MON2: variants seen among roughly 807,000 people sequenced by gnomAD.
The protein encoded by MON2 is protein MON2 homolog.
A neutral mutation model predicts 208.6 loss-of-function variants in MON2; 84 were observed. The ratio of observed to expected loss-of-function variants is 0.40; its 90% CI spans 0.34 to 0.48. The LOEUF is 0.48. Ranked by LOEUF, MON2 falls within the 20% of genes least tolerant of loss-of-function variation. The pLI is 0.59. For missense variants in MON2, 1,611 were observed against 2,015.4 expected, an observed-to-expected ratio of 0.80 and a Z score of 3.84; for synonymous variants, 660 against 694.0, an observed-to-expected ratio of 0.95 and a Z score of 0.77.
intron 4 of MON2, among the ~76,000 whole-genome samples, chr12:62,495,395 A>C (rs921851463): frequency 6.6e-6 from 1 of 152,152 alleles, no homozygotes; most frequent in Non-Finnish European, 1.5e-5. Context: ...TAGGAAATGG[A>C]AAAAAGAGAG....
chr12:62,531,851 G>A (rs2072662655), intron 11 of MON2, among the ~76,000 whole-genome samples: 1 of 151,878 alleles, frequency 6.6e-6, no homozygotes, highest in African/African-American at 2.4e-5. Context: ...CTCACTGCAA[G>A]CTCTGCCTCC....
intron 1 of MON2, among the ~76,000 whole-genome samples, chr12:62,468,003 T>C (rs560037990): frequency 1.3e-5 from 2 of 152,072 alleles, no homozygotes; most frequent in South Asian, 2.1e-4. Context: ...TTTTATATTA[T>C]GTATGGGAAA....
rs2075546151 is a variant in MON2, at chr12:62,597,284, CT to C, written c.*4538del. 6.6e-6 allele frequency: 1 copy of C among 151,922 alleles called. No individual in the cohort carries two copies. The highest frequency in any genetic ancestry group is 2.4e-5 in the African/African-American group (1 of 41,378). The allele number at this position is 151,922 out of a possible 1,614,324, so 9.4% of individuals were successfully genotyped here. On this transcript the variant is annotated 3_prime_UTR_variant, in exon 35 of 35. Coordinates refer to ENST00000393630, the MANE Select transcript of MON2 (RefSeq NM_015026.3). The stretch of plus-strand genomic sequence containing the variant: ...TGTTTACGTTACCATCTTTCTTATA[CT>C]TTCCCCTGATTTTTCTCTTTTAATT...
At chr12:62,547,249 T>C (rs959414938) in intron 22 of MON2, among the ~76,000 whole-genome samples, 177 bp downstream of exon 22, 1 of 152,222 alleles carries the variant, frequency 6.6e-6, no homozygotes, top group Non-Finnish European at 1.5e-5. Flanking sequence ...TGTAATAGTT[T>C]TTCTTAACTC....
At position 62,484,219 on chromosome 12, in the gene MON2, C is replaced by G. The variant is rs199985838; in HGVS notation, c.161C>G (p.Thr54Ser). 2.5e-5 allele frequency: 40 copies of G among 1,598,606 alleles called. 1 individual carries two copies. The South Asian group carries it at 4.3e-4, about 17-fold the overall frequency. ...IKVKTIAARN[T>S]EILAALKENS... Reference sequence around the variant, plus strand: ...GTTAAAACAATTGCTGCACGAAACACTGAAATTTTGGCAGGTAATTTTTTG... The same window carrying G: ...GTTAAAACAATTGCTGCACGAAACAGTGAAATTTTGGCAGGTAATTTTTTG... The change falls in exon 2 of 35, where the codon ACT becomes AGT. Residue 54 changes from threonine (T) to serine (S), a missense_variant. Thr to Ser is a moderately conservative substitution (Grantham distance 58). Coordinates refer to ENST00000393630, the MANE Select transcript of MON2 (RefSeq NM_015026.3).
At chr12:62,583,977 A>G (rs1326164531) in intron 32 of MON2, among the ~76,000 whole-genome samples, 4 of 148,746 alleles carry the variant, frequency 2.7e-5, no homozygotes, top group African/African-American at 9.8e-5. Flanking sequence ...AAAAAAAACA[A>G]AAAAAAAAAA....
At chr12:62,470,739 A>G in intron 1 of MON2, 1 of 1,148,494 alleles carries the variant, frequency 8.7e-7, no homozygotes. Context: ...TGGAAGTTGG[A>G]GGAGGGGAGT....
Position 62,585,467 on chromosome 12 carries a change from G to A in MON2, c.4873G>A (p.Asp1625Asn). The part of the protein sequence containing the change: ...SQDVLHRYIE[D>N]ERLSGKCPLP... ...AGATGTACTACATCGCTATATAGAG[G>A]ATGAAAGATTAAGTGGTAAATGCCC... Residue 1625 changes from aspartate to asparagine, a missense_variant, in exon 33 of 35, where the codon GAT becomes AAT. By Grantham distance (23) the Asp-to-Asn change is conservative. Transcript: ENST00000393630. The A allele has an allele frequency of 6.2e-7, 1 of 1,611,632 alleles. No individual in the cohort carries two copies. Among genetic ancestry groups the A allele is most frequent in the South Asian group, 1.1e-5 (1 of 90,776 alleles).
At chr12:62,549,874 T>C in intron 23 of MON2, 44 bp downstream of exon 23, 1 of 1,317,260 alleles carries the variant, frequency 7.6e-7, no homozygotes, top group Non-Finnish European at 1.0e-6. Flanking sequence ...TTAGAAATCA[T>C]TGTTATTCAG....
At chr12:62,533,268 T>C (rs2072747140) in intron 12 of MON2, among the ~76,000 whole-genome samples, 2 of 152,216 alleles carry the variant, frequency 1.3e-5, no homozygotes, top group Non-Finnish European at 2.9e-5. Flanking sequence ...TGTGTCATTA[T>C]TGGAGATGCT....
chr12:62,517,835 A>G (rs2071784192), intron 8 of MON2, among the ~76,000 whole-genome samples: 1 of 152,204 alleles, frequency 6.6e-6, no homozygotes, highest in Non-Finnish European at 1.5e-5. Context: ...TCTGTTATTT[A>G]ACAATTTATC....
At chr12:62,532,766 A>C in intron 12 of MON2, 96 bp downstream of exon 12, 13 of 854,248 alleles carry the variant, frequency 1.5e-5, no homozygotes, top group Non-Finnish European at 2.4e-5. Flanking sequence ...CTGACTTCTC[A>C]AGTGTTAACC....
rs1433678254 is a variant in MON2, at chr12:62,595,266, T to A, written c.*2517T>A. 6.6e-6 allele frequency: 1 copy of A among 152,132 alleles called. No individual in the cohort carries two copies. The highest frequency in any genetic ancestry group is 1.5e-5 in the Non-Finnish European group (1 of 68,032). The allele number at this position is 152,132 out of a possible 1,614,324, so 9.4% of individuals were successfully genotyped here. On this transcript the variant is annotated 3_prime_UTR_variant, in exon 35 of 35. Transcript: ENST00000393630. ...TTCAAGCAGTTTCCTGCTTCAGACT[T>A]CCAAGTAGCTGGGATTACAGACATG... is the stretch of plus-strand genomic sequence containing the variant.
At chr12:62,562,413 C>CT (rs891694727) in intron 26 of MON2, among the ~76,000 whole-genome samples, 13 of 151,612 alleles carry the variant, frequency 8.6e-5, no homozygotes, top group African/African-American at 3.1e-4. Context: ...TTGTTCAGAG[C>CT]TTTTAATAGC....
intron 1 of MON2, among the ~76,000 whole-genome samples, chr12:62,473,636 CT>C (rs2135954030): frequency 6.6e-6 from 1 of 152,202 alleles, no homozygotes; most frequent in Non-Finnish European, 1.5e-5. Context: ...AGTGGGCTAT[CT>C]TGGCTCACTG....
chr12:62,498,069 A>G (rs1204324282), intron 4 of MON2, among the ~76,000 whole-genome samples: 1 of 151,130 alleles, frequency 6.6e-6, no homozygotes, highest in East Asian at 1.9e-4. Flanking sequence ...TTTTAACAAT[A>G]GTCAGAACCT....
At chr12:62,529,154 G>T (rs2136203637) in intron 11 of MON2, among the ~76,000 whole-genome samples, 2 of 152,214 alleles carry the variant, frequency 1.3e-5, no homozygotes, top group South Asian at 4.1e-4. Flanking sequence ...TCCAGCTCTA[G>T]AACTTAAATT....
At chr12:62,490,938 T>C (rs2070094640) in intron 2 of MON2, among the ~76,000 whole-genome samples, 1 of 59,522 alleles carries the variant, frequency 1.7e-5, no homozygotes, top group African/African-American at 7.5e-5. Flanking sequence ...TTGTTGATTT[T>C]AATATGCACA....
At chr12:62,565,897 A>G (rs2074366556) in intron 27 of MON2, 117 bp from the exon 28 acceptor site, 1 of 878,180 alleles carries the variant, frequency 1.1e-6, no homozygotes, top group East Asian at 2.8e-5. Context: ...ATGCATGCCC[A>G]TGCTGATTTT....
Sources: gnomAD v4.1 joint callset for allele counts (sites outside exome capture counted in the v4.1 genomes callset) on GRCh38, gnomAD v4.1.1 for gene constraint, MANE v1.5 for transcripts, NCBI Gene and HGNC (gene_info 2026-07-23, HGNC 2026-07-21) for gene names.